Variants in ENDOD1 observed in about 807,000 individuals in gnomAD.
ENDOD1 encodes endonuclease domain-containing 1 protein.
Under a neutral mutation model 6.5 loss-of-function variants are expected in ENDOD1, and 9 were observed. The ratio of observed to expected loss-of-function variants is 1.39; its 90% CI spans 0.84 to 2.43. ENDOD1 has a LOEUF of 2.43. Among genes scored for constraint, ENDOD1 ranks in the 30% most tolerant of loss-of-function variants. The probability of loss-of-function intolerance (pLI) is 0.00; values close to 1 mark genes in which losing one functional copy is unlikely to be tolerated. For missense variants in ENDOD1, 648 were observed against 635.5 expected (o/e 1.02, Z -0.21); for synonymous variants, 255 against 255.2 (o/e 1.00, Z 0.01).
rs1332870175 is a variant in ENDOD1 at position 95,099,205 on chromosome 11, G to C, written c.300+8978G>C. Among the ~76,000 whole-genome samples the C allele has an allele frequency of 3.3e-5, 5 of 152,192 alleles. No individual in the cohort carries two copies. In the East Asian group the frequency reaches 9.6e-4, roughly 29 times the overall value. ...GCAGACATTTTCCATAAGGCACCAG[G>C]TTAGAGCTGGGAAAAATGGATCACC... On this transcript the variant is annotated intron_variant, in intron 1 of 1. Coordinates refer to ENST00000278505, the MANE Select transcript of ENDOD1 (RefSeq NM_015036.3).
intron 1 of ENDOD1, among the ~76,000 whole-genome samples, chr11:95,091,443 G>C (rs782501548): frequency 6.6e-6 from 1 of 152,244 alleles, no homozygotes; most frequent in South Asian, 2.1e-4. Context: ...AACACTTGTC[G>C]AGATCAGGCA....
chr11:95,108,792 C>A (rs1859119241), intron 1 of ENDOD1, among the ~76,000 whole-genome samples: 1 of 152,220 alleles, frequency 6.6e-6, no homozygotes, highest in South Asian at 2.1e-4. Flanking sequence ...CTGGGTATTT[C>A]CCATGGTAAG....
intron 1 of ENDOD1, among the ~76,000 whole-genome samples, chr11:95,104,569 A>G (rs1471553559): frequency 6.6e-6 from 1 of 152,132 alleles, no homozygotes; most frequent in African/African-American, 2.4e-5. Context: ...CTATTCCCTC[A>G]AAGGCCTTAC....
At chr11:95,100,874 T>TG (rs1555110790) in intron 1 of ENDOD1, among the ~76,000 whole-genome samples, 2 of 146,970 alleles carry the variant, frequency 1.4e-5, no homozygotes, top group Non-Finnish European at 3.0e-5. Context: ...TGTTTTTTTT[T>TG]TTTTTTTTTT....
At chr11:95,126,710 T>A (rs1441814221) in intron 1 of ENDOD1, among the ~76,000 whole-genome samples, 3 of 152,216 alleles carry the variant, frequency 2.0e-5, no homozygotes, top group Non-Finnish European at 4.4e-5. Flanking sequence ...GATGGGGGTG[T>A]CACTGTGTTA....
At chr11:95,124,968 T>C (rs1859297574) in intron 1 of ENDOD1, among the ~76,000 whole-genome samples, 1 of 152,106 alleles carries the variant, frequency 6.6e-6, no homozygotes, top group African/African-American at 2.4e-5. Context: ...GCACGTTCTC[T>C]CTCATTTACT....
At chr11:95,096,448 C>T (rs1405343274) in intron 1 of ENDOD1, among the ~76,000 whole-genome samples, 1 of 151,968 alleles carries the variant, frequency 6.6e-6, no homozygotes, top group Admixed American at 6.6e-5. Flanking sequence ...TTTAATATTC[C>T]AGTCATGCTT....
At chr11:95,122,698 A>C (rs549890109) in intron 1 of ENDOD1, among the ~76,000 whole-genome samples, 2 of 152,020 alleles carry the variant, frequency 1.3e-5, no homozygotes, top group Non-Finnish European at 2.9e-5. Context: ...TTAGGTGAGC[A>C]TGGTAATGAT....
At chr11:95,093,596 A>G (rs1218593293) in intron 1 of ENDOD1, among the ~76,000 whole-genome samples, 6 of 152,198 alleles carry the variant, frequency 3.9e-5, no homozygotes, top group Non-Finnish European at 5.9e-5. Flanking sequence ...AGGAATGATG[A>G]TTGCATCTTA....
chr11:95,116,279 A>G (rs1859208083), intron 1 of ENDOD1, among the ~76,000 whole-genome samples: 1 of 152,200 alleles, frequency 6.6e-6, no homozygotes, highest in Non-Finnish European at 1.5e-5. Flanking sequence ...ATTGGCATAC[A>G]GTTGCTCATA....
intron 1 of ENDOD1, among the ~76,000 whole-genome samples, chr11:95,123,353 C>T (rs1005625647): frequency 2.6e-5 from 4 of 151,028 alleles, no homozygotes; most frequent in African/African-American, 9.7e-5. Flanking sequence ...ATAGAAATAC[C>T]TGCATGAACA....
chr11:95,129,082 G>T lies in ENDOD1; in HGVS notation c.1006G>T (p.Ala336Ser). 1 of 1,614,086 alleles carries T rather than the reference G, an allele frequency of 6.2e-7. No individual in the cohort carries two copies. Among genetic ancestry groups the T allele is most frequent in the Non-Finnish European group, 8.5e-7 (1 of 1,180,030 alleles). Residue 336 changes from alanine (A) to serine (S), a missense_variant, in exon 2 of 2, where the codon GCT becomes TCT. Coordinates refer to ENST00000278505, the MANE Select transcript of ENDOD1 (RefSeq NM_015036.3). ...SFLGKLMGFI[A>S]TPFIKLFQLI... ...TTTGGGAAAACTCATGGGCTTCATT[G>T]CTACCCCATTCATCAAGCTTTTTCA...
At chr11:95,108,020 G>A (rs1485742290) in intron 1 of ENDOD1, among the ~76,000 whole-genome samples, 1 of 152,230 alleles carries the variant, frequency 6.6e-6, no homozygotes, top group Non-Finnish European at 1.5e-5. Context: ...TCCTCGCTGT[G>A]TGTGATGAGC....
chr11:95,116,178 G>A (rs1276642144), intron 1 of ENDOD1, among the ~76,000 whole-genome samples: 2 of 152,088 alleles, frequency 1.3e-5, no homozygotes, highest in African/African-American at 4.8e-5. Context: ...CTTGTTATTG[G>A]TCTGTTCAGG....
chr11:95,131,468 T>C lies in ENDOD1; in HGVS notation c.*1889T>C, dbSNP rs1278029066. On this transcript the variant is annotated 3_prime_UTR_variant, in exon 2 of 2. Coordinates refer to ENST00000278505, the MANE Select transcript of ENDOD1 (RefSeq NM_015036.3). ...TGGGAGGCAACAGGCTAGCCCTTAGTTTCATGGCTAGCTGAGAGCAGATTA... is the reference window on the plus strand; with the variant it reads ...TGGGAGGCAACAGGCTAGCCCTTAGCTTCATGGCTAGCTGAGAGCAGATTA... 6.6e-6 allele frequency: 1 copy of C among 152,198 alleles called. No individual in the cohort carries two copies. The highest frequency in any genetic ancestry group is 1.9e-4 in the East Asian group (1 of 5,196). The allele number at this position is 152,198 out of a possible 1,614,324, so 9.4% of individuals were successfully genotyped here. A position where few individuals can be genotyped will look rare whatever the true frequency, so the allele number is the denominator to read the frequency against.
Position 95,120,872 on chromosome 11 carries a change from A to T in ENDOD1, c.301-7505A>T, listed in dbSNP as rs1257126098. Reference sequence around the variant, plus strand: ...TGGGATTGGCAGCTTTTCTCTGGCTAGGGCTGGTTTAATGCTCTCCCTCCG... The same window carrying T: ...TGGGATTGGCAGCTTTTCTCTGGCTTGGGCTGGTTTAATGCTCTCCCTCCG... On this transcript the variant is annotated intron_variant, in intron 1 of 1. Coordinates refer to ENST00000278505, the MANE Select transcript of ENDOD1 (RefSeq NM_015036.3). Among the ~76,000 whole-genome samples the T allele has an allele frequency of 1.3e-4, 20 of 152,308 alleles. No homozygotes were observed. In the East Asian group the frequency reaches 3.3e-3, roughly 25 times the overall value.
chr11:95,120,124 G>C (rs896523368), intron 1 of ENDOD1, among the ~76,000 whole-genome samples: 1 of 152,168 alleles, frequency 6.6e-6, no homozygotes, highest in Non-Finnish European at 1.5e-5. Context: ...CCAAGTCCTA[G>C]AATCGGGGGC....
intron 1 of ENDOD1, 35 bp downstream of exon 1, chr11:95,090,262 G>C (rs1367620144): frequency 7.4e-7 from 1 of 1,355,076 alleles, no homozygotes; most frequent in African/African-American, 1.5e-5. Flanking sequence ...GGCTGCGGGC[G>C]CCGGAGACCG....
intron 1 of ENDOD1, among the ~76,000 whole-genome samples, chr11:95,115,397 T>C (rs1859198690): frequency 6.6e-6 from 1 of 151,852 alleles, no homozygotes; most frequent in South Asian, 2.1e-4. Flanking sequence ...TTTTTTTGTG[T>C]GTGTGTGGCG....
Sources: allele counts gnomAD v4.1 joint callset (sites outside exome capture counted in the v4.1 genomes callset), GRCh38; gene constraint gnomAD v4.1.1; transcripts MANE v1.5; gene names NCBI Gene and HGNC (gene_info 2026-07-23, HGNC 2026-07-21).